MID1: variants seen among roughly 807,000 people sequenced by gnomAD.
MID1 encodes the protein E3 ubiquitin-protein ligase Midline-1.
Under a neutral mutation model 40.4 loss-of-function variants are expected in MID1, and 7 were observed. That is an observed-to-expected ratio of 0.17 (90% CI 0.10 to 0.33). The LOEUF (loss-of-function observed/expected upper bound fraction) is 0.33. MID1 is among the 10% of genes least tolerant of loss of function. The pLI is 1.00. For missense variants in MID1, 367 were observed against 558.5 expected, an observed-to-expected ratio of 0.66 and a Z score of 3.46; for synonymous variants, 229 against 221.2, an observed-to-expected ratio of 1.04 and a Z score of -0.31.
intron 1 of MID1, among the ~76,000 whole-genome samples, chrX:10,675,015 C>T (rs991739878): frequency 2.7e-5 from 3 of 111,602 alleles, no homozygotes; most frequent in African/African-American, 9.8e-5. Flanking sequence ...ATTTTATAAC[C>T]TATAGTTTAA....
chrX:10,575,542 C>T (rs1160107102), intron 1 of MID1, among the ~76,000 whole-genome samples: 1 of 112,143 alleles, frequency 8.9e-6, no homozygotes, highest in Admixed American at 9.5e-5. Flanking sequence ...TCAGCATCTG[C>T]ATATTCAATT....
chrX:10,808,593 A>G (rs1222401537), intron 1 of MID1, among the ~76,000 whole-genome samples: 1 of 109,681 alleles, frequency 9.1e-6, no homozygotes, highest in Admixed American at 9.8e-5. Context: ...GCTCCTTTTC[A>G]TTATATCTAT....
rs374561189 is a variant in MID1, at chrX:10,580,588, C to T, written c.-56-12985G>A. Among the ~76,000 whole-genome samples the T allele has an allele frequency of 3.2e-3, 358 of 111,579 alleles. 4 individuals are homozygous for T. Among genetic ancestry groups the T allele is most frequent in the African/African-American group, 0.011 (337 of 30,660 alleles). ...TAGTATGATGGTACATTTAATAAAACATCATCATAGCTTATTGGACTTATC... is the reference window on the plus strand; with the variant it reads ...TAGTATGATGGTACATTTAATAAAATATCATCATAGCTTATTGGACTTATC... On this transcript the variant is annotated intron_variant, in intron 1 of 9. Coordinates refer to ENST00000317552, the MANE Select transcript of MID1 (RefSeq NM_000381.4).
At chrX:10,455,494 C>T (rs913023137) in intron 8 of MID1, among the ~76,000 whole-genome samples, 2 of 111,192 alleles carry the variant, frequency 1.8e-5, no homozygotes, top group Middle Eastern at 4.2e-3. Flanking sequence ...TCACGGATTC[C>T]AGGTGTATAC....
intron 1 of MID1, among the ~76,000 whole-genome samples, chrX:10,782,792 A>T (rs112824707): frequency 8.9e-6 from 1 of 111,882 alleles, no homozygotes; most frequent in Admixed American, 9.5e-5. Context: ...TATATGATCA[A>T]TCAAAAATTT....
chrX:10,598,722 G>A (rs193139601), intron 1 of MID1, among the ~76,000 whole-genome samples: 1 of 111,724 alleles, frequency 9.0e-6, no homozygotes, highest in East Asian at 2.8e-4. Context: ...TCTTACAGCT[G>A]CCAGAGAGTA....
At chrX:10,462,103 C>T (rs1013658442) in intron 7 of MID1, among the ~76,000 whole-genome samples, 1 of 111,712 alleles carries the variant, frequency 9.0e-6, no homozygotes, top group African/African-American at 3.3e-5. Flanking sequence ...TGAAGAGGTC[C>T]CTATTTTTTC....
At chrX:10,831,877 C>G (rs1437319659) in intron 1 of MID1, among the ~76,000 whole-genome samples, 1 of 112,258 alleles carries the variant, frequency 8.9e-6, no homozygotes, top group African/African-American at 3.2e-5. Context: ...ATGTACATAT[C>G]AACTCACAGG....
At chrX:10,821,706 T>C (rs1463415874) in intron 1 of MID1, among the ~76,000 whole-genome samples, 2 of 112,861 alleles carry the variant, frequency 1.8e-5, no homozygotes, top group Non-Finnish European at 3.7e-5. Context: ...TGTTTACTTT[T>C]CATTTCTTAC....
intron 1 of MID1, among the ~76,000 whole-genome samples, chrX:10,601,613 C>T (rs970239057): frequency 1.8e-5 from 2 of 111,534 alleles, no homozygotes; most frequent in African/African-American, 6.5e-5. Context: ...CTATAAGAAC[C>T]GTACAAATAG....
intron 1 of MID1, among the ~76,000 whole-genome samples, chrX:10,787,399 A>T (rs2043893754): frequency 9.2e-6 from 1 of 108,336 alleles, no homozygotes; most frequent in Non-Finnish European, 1.9e-5. Context: ...ATATTGTATA[A>T]TAAGAATGTT....
At chrX:10,738,726 G>A (rs185597778) in intron 1 of MID1, among the ~76,000 whole-genome samples, 1 of 110,472 alleles carries the variant, frequency 9.1e-6, no homozygotes, top group East Asian at 2.8e-4. Flanking sequence ...GCAATCTCTG[G>A]GACATACTGA....
intron 3 of MID1, chrX:10,505,616 A>T: frequency 1.3e-6 from 1 of 753,907 alleles, no homozygotes; most frequent in Non-Finnish European, 1.6e-6. Flanking sequence ...TTTTCAACAA[A>T]TGTGTTTGGC....
At chrX:10,806,676 A>T (rs2044050681) in intron 1 of MID1, among the ~76,000 whole-genome samples, 1 of 112,476 alleles carries the variant, frequency 8.9e-6, no homozygotes, top group African/African-American at 3.2e-5. Flanking sequence ...CCAGTTGTCC[A>T]AATGTGTTTC....
At chrX:10,483,870 C>T (rs1360954879) in intron 4 of MID1, among the ~76,000 whole-genome samples, 2 of 112,006 alleles carry the variant, frequency 1.8e-5, no homozygotes, top group Non-Finnish European at 3.8e-5. Context: ...GAAATTCATA[C>T]TGAATTAGAA....
At chrX:10,522,818 C>G (rs1932763055) in intron 3 of MID1, among the ~76,000 whole-genome samples, 1 of 111,693 alleles carries the variant, frequency 9.0e-6, no homozygotes, top group African/African-American at 3.2e-5. Flanking sequence ...TTTGACTGTT[C>G]TTTGTAAGGG....
At chrX:10,783,761 A>G (rs1468520226) in intron 1 of MID1, among the ~76,000 whole-genome samples, 1 of 108,988 alleles carries the variant, frequency 9.2e-6, no homozygotes, top group Non-Finnish European at 2.0e-5. Flanking sequence ...TATAAAAATA[A>G]ACACAGTGCC....
At chrX:10,638,365 G>A (rs192098813) in intron 1 of MID1, among the ~76,000 whole-genome samples, 7 of 112,248 alleles carry the variant, frequency 6.2e-5, no homozygotes, top group African/African-American at 1.9e-4. Flanking sequence ...TATATCCTGC[G>A]CATGGCTCGG....
At chrX:10,614,439 A>C (rs1005318413) in intron 1 of MID1, among the ~76,000 whole-genome samples, 1 of 112,120 alleles carries the variant, frequency 8.9e-6, no homozygotes, top group South Asian at 3.7e-4. Flanking sequence ...CCTGCCCCCA[A>C]ATATTGTCCC....
Sources: gnomAD v4.1 joint callset for allele counts (sites outside exome capture counted in the v4.1 genomes callset) on GRCh38, gnomAD v4.1.1 for gene constraint, MANE v1.5 for transcripts, NCBI Gene and HGNC (gene_info 2026-07-23, HGNC 2026-07-21) for gene names.